LHX2: variants seen among roughly 807,000 people sequenced by gnomAD.
The protein encoded by LHX2 is LIM/homeobox protein Lhx2.
Under a neutral mutation model 33.0 loss-of-function variants are expected in LHX2, and 6 were observed. The observed-to-expected ratio is 0.18, with a 90% CI of 0.10 to 0.36. The LOEUF is 0.36. LHX2 is among the 10% of genes least tolerant of loss of function. The pLI is 1.00. For missense variants in LHX2, 442 were observed against 586.2 expected (o/e 0.75, Z 2.54); for synonymous variants, 292 against 253.1 (o/e 1.15, Z -1.46).
In LHX2 at chr9:124,012,079, G is replaced by A. The variant is rs1314558299; in HGVS notation, c.-270G>A. On this transcript the variant is annotated 5_prime_UTR_variant, in exon 1 of 5. Coordinates refer to ENST00000373615, the MANE Select transcript of LHX2 (RefSeq NM_004789.4). The surrounding 1 kb of genome is among the most constrained non-coding windows in gnomAD (Gnocchi z 4.3). The stretch of plus-strand genomic sequence containing the variant: ...CCTAGTCTCCTGCTCCCCCCGCCCC[G>A]CTTGTCCCGTGCCCTTGTGACCCTG... 3 of 169,234 alleles carry A rather than the reference G, an allele frequency of 1.8e-5. No homozygotes were observed. Among genetic ancestry groups the A allele is most frequent in the African/African-American group, 4.8e-5 (2 of 41,960 alleles). 10.5% of individuals were successfully genotyped at this position (169,234 alleles called of 1,614,324 possible).
Position 124,013,877 on chromosome 9 carries a change from G to T in LHX2, c.121-84G>T, listed in dbSNP as rs1859135617. ...TTCAGGGTAGCCAAGGCCACAGAGGGAGTTGTGGGTGCCGGTTTCCCGGCG... is the reference window on the plus strand; with the variant it reads ...TTCAGGGTAGCCAAGGCCACAGAGGTAGTTGTGGGTGCCGGTTTCCCGGCG... On this transcript the variant is annotated intron_variant, in intron 1 of 4. Coordinates refer to ENST00000373615, the MANE Select transcript of LHX2 (RefSeq NM_004789.4). 2.4e-6 allele frequency: 3 copies of T among 1,271,060 alleles called. No individual in the cohort carries two copies. The African/African-American group carries it at 4.4e-5, about 19-fold the overall frequency. The allele number at this position is 1,271,060 out of a possible 1,614,324, so 78.7% of individuals were successfully genotyped here. A position where few individuals can be genotyped will look rare whatever the true frequency, so the allele number is the denominator to read the frequency against.
rs1859191769 is a variant in LHX2, at chr9:124,016,412, GT to G, written c.727+890del. 6.6e-6 allele frequency among the ~76,000 whole-genome samples: 1 copy of G among 152,238 alleles called. No individual in the cohort carries two copies. The highest frequency in any genetic ancestry group is 2.4e-5 in the African/African-American group (1 of 41,468). On this transcript the variant is annotated intron_variant, in intron 3 of 4. Coordinates refer to ENST00000373615, the MANE Select transcript of LHX2 (RefSeq NM_004789.4). The surrounding 1 kb of genome is among the most constrained non-coding windows in gnomAD (Gnocchi z 4.4). The stretch of plus-strand genomic sequence containing the variant: ...CCCGAAGTCTGCAAGGCCCGGAAAG[GT>G]TTATGACTCTCCGGGCTTCCGAACT...
At position 124,032,861 on chromosome 9, in the gene LHX2, C is replaced by G. The variant is rs995207680; in HGVS notation, c.*154C>G. On this transcript the variant is annotated 3_prime_UTR_variant, in exon 5 of 5. Transcript: ENST00000373615. The surrounding 1 kb of genome is among the most constrained non-coding windows in gnomAD (Gnocchi z 4.1). Reference sequence around the variant, plus strand: ...GAGGTAAAAAAAAGAAGTGTGCGCCCGGCTAATGCAGCGGTGTGGACCGAG... The same window carrying G: ...GAGGTAAAAAAAAGAAGTGTGCGCCGGGCTAATGCAGCGGTGTGGACCGAG... 2 of 801,288 alleles carry G rather than the reference C, an allele frequency of 2.5e-6. No homozygotes were observed. Among genetic ancestry groups the G allele is most frequent in the Non-Finnish European group, 1.9e-6 (1 of 526,814 alleles). The allele number at this position is 801,288 out of a possible 1,614,324, so 49.6% of individuals were successfully genotyped here.
At position 124,015,575 on chromosome 9, in the gene LHX2, C is replaced by T. The variant is rs1387304084; in HGVS notation, c.727+50C>T. On this transcript the variant is annotated intron_variant, in intron 3 of 4. Transcript: ENST00000373615. The surrounding 1 kb of genome is among the most constrained non-coding windows in gnomAD (Gnocchi z 7.9). ...CCCCATAGGGTTGGGGGAAAGTGTG[C>T]GGCCTCGACGGCCGGGAGCTGGATT... The T allele has an allele frequency of 3.5e-6, 5 of 1,431,934 alleles. No homozygotes were observed. Among genetic ancestry groups the T allele is most frequent in the Non-Finnish European group, 3.7e-6 (4 of 1,085,808 alleles). 88.7% of individuals were successfully genotyped at this position (1,431,934 alleles called of 1,614,324 possible).
chr9:124,014,287 T>TCCCCC lies in LHX2; in HGVS notation c.323+128_323+132dup, dbSNP rs369078188. 3.5e-4 allele frequency: 203 copies of TCCCCC among 587,640 alleles called. 2 individuals carry two copies. In the African/African-American group the frequency reaches 3.7e-3, roughly 11 times the overall value. 36.4% of individuals were successfully genotyped at this position (587,640 alleles called of 1,614,324 possible). A position where few individuals can be genotyped will look rare whatever the true frequency, so the allele number is the denominator to read the frequency against. Reference sequence around the variant, plus strand: ...GGTTCACTACTCAGGACTCCCCCGCTCCCCCCCCAAGTTCTCCAAGCCACC... The same window carrying TCCCCC: ...GGTTCACTACTCAGGACTCCCCCGCTCCCCCCCCCCCCCAAGTTCTCCAAGCCACC... On this transcript the variant is annotated intron_variant, in intron 2 of 4. Transcript: ENST00000373615. The surrounding 1 kb of genome is among the most constrained non-coding windows in gnomAD (Gnocchi z 4.8).
At chr9:124,013,241 C>G (rs1238460793) in intron 1 of LHX2, among the ~76,000 whole-genome samples, 2 of 152,250 alleles carry the variant, frequency 1.3e-5, no homozygotes, top group African/African-American at 2.4e-5. Flanking sequence ...GCTCCGGGAG[C>G]AGGAGCAGCG....
chr9:124,017,887 A>T (rs1859219970), intron 3 of LHX2, among the ~76,000 whole-genome samples: 1 of 151,308 alleles, frequency 6.6e-6, no homozygotes, highest in Non-Finnish European at 1.5e-5. Context: ...ACCTCCCCCT[A>T]CCCCGGGAGG....
chr9:124,012,869 T>C lies in LHX2; in HGVS notation c.120+401T>C, dbSNP rs931082852. Among the ~76,000 whole-genome samples, 5 of 152,114 alleles carry C rather than the reference T, an allele frequency of 3.3e-5. No individual in the cohort carries two copies. The highest frequency in any genetic ancestry group is 4.8e-5 in the African/African-American group (2 of 41,424). ...GGAAGGGCGAACCAGCTGGGAGCAT[T>C]GGGGCTCCAGCCGGCTTGGGCCGCT... On this transcript the variant is annotated intron_variant, in intron 1 of 4. Coordinates refer to ENST00000373615, the MANE Select transcript of LHX2 (RefSeq NM_004789.4). The surrounding 1 kb of genome is among the most constrained non-coding windows in gnomAD (Gnocchi z 4.3).
chr9:124,021,020 C>A, intron 3 of LHX2, 79 bp from the exon 4 acceptor site: 2 of 1,273,186 alleles, frequency 1.6e-6, no homozygotes, highest in Non-Finnish European at 2.3e-6. Flanking sequence ...AAATGTTTGG[C>A]AGTGGGTGGG....
In LHX2 at chr9:124,015,002, G is replaced by C; in HGVS notation, c.324-120G>C. The C allele has an allele frequency of 8.7e-7, 1 of 1,147,792 alleles. No individual in the cohort carries two copies. The highest frequency in any genetic ancestry group is 1.2e-6 in the Non-Finnish European group (1 of 807,432). 71.1% of individuals were successfully genotyped at this position (1,147,792 alleles called of 1,614,324 possible). A position where few individuals can be genotyped will look rare whatever the true frequency, so the allele number is the denominator to read the frequency against. On this transcript the variant is annotated intron_variant, in intron 2 of 4. Transcript: ENST00000373615. This position sits in a 1 kb window ranked among gnomAD's most constrained non-coding sequence, Gnocchi z 7.9. ...CTCTCCCCCCCATCCTCCAAATAAA[G>C]GCCGGGTTGTTCGTCTTGAGGAGGG...
chr9:124,029,612 A>G (rs945494641), intron 4 of LHX2, among the ~76,000 whole-genome samples: 2 of 152,132 alleles, frequency 1.3e-5, no homozygotes, highest in African/African-American at 4.8e-5. Context: ...GAAATAGCAA[A>G]CAGCCGGCAA....
At chr9:124,013,203 A>T (rs1859123676) in intron 1 of LHX2, among the ~76,000 whole-genome samples, 1 of 152,208 alleles carries the variant, frequency 6.6e-6, no homozygotes, top group African/African-American at 2.4e-5. Context: ...GAGGCCGCGG[A>T]GGTGGGGAGC....
intron 4 of LHX2, among the ~76,000 whole-genome samples, chr9:124,030,266 G>A (rs569192787): frequency 6.6e-6 from 1 of 152,232 alleles, no homozygotes; most frequent in Admixed American, 6.5e-5. Flanking sequence ...GGTCCCAAGG[G>A]GTGCGTGGGG....
intron 4 of LHX2, among the ~76,000 whole-genome samples, chr9:124,029,734 C>G (rs1404573983): frequency 6.6e-6 from 1 of 152,250 alleles, no homozygotes; most frequent in Non-Finnish European, 1.5e-5. Context: ...CCAGCTACTG[C>G]TCTGAGAGTC....
intron 4 of LHX2, 95 bp downstream of exon 4, chr9:124,021,399 C>G (rs143907251): frequency 6.0e-6 from 6 of 1,004,992 alleles, no homozygotes; most frequent in South Asian, 1.5e-5. Context: ...GACCTTCCAC[C>G]CTGTGTCTGC....
In LHX2 at chr9:124,015,355, T is replaced by A; in HGVS notation, c.557T>A (p.Val186Glu). 6.2e-7 allele frequency: 1 copy of A among 1,610,802 alleles called. No individual in the cohort carries two copies. Among genetic ancestry groups the A allele is most frequent in the Non-Finnish European group, 8.5e-7 (1 of 1,178,384 alleles). Reference sequence around the variant, plus strand: ...CCCGCACACTTCAACCATGCCGACGTGGCAGCGGCGGCCGCTGCAGCCGCG... The same window carrying A: ...CCCGCACACTTCAACCATGCCGACGAGGCAGCGGCGGCCGCTGCAGCCGCG... Reference protein sequence around the residue: ...EYPAHFNHADVAAAAAAAAAA... With the variant: ...EYPAHFNHADEAAAAAAAAAA... Residue 186 changes from valine to glutamate, a missense_variant, in exon 3 of 5, where the codon GTG (valine) becomes GAG (glutamate). Physicochemically the swap from Val to Glu is moderately radical, Grantham distance 121 (BLOSUM62 -2). Coordinates refer to ENST00000373615, the MANE Select transcript of LHX2 (RefSeq NM_004789.4). The surrounding 1 kb of genome is among the most constrained non-coding windows in gnomAD (Gnocchi z 7.9).
At chr9:124,019,617 GT>G (rs1442222010) in intron 3 of LHX2, among the ~76,000 whole-genome samples, 2 of 152,080 alleles carry the variant, frequency 1.3e-5, no homozygotes, top group Non-Finnish European at 2.9e-5. Context: ...TTTAGTATAG[GT>G]ATGTCCCATG....
intron 3 of LHX2, among the ~76,000 whole-genome samples, chr9:124,019,478 A>G (rs1233198425): frequency 6.6e-6 from 1 of 152,238 alleles, no homozygotes; most frequent in Non-Finnish European, 1.5e-5. Context: ...TTTTGGAAAA[A>G]TAACGAATAA....
In LHX2 at chr9:124,012,961, G is replaced by A. The variant is rs551057142; in HGVS notation, c.120+493G>A. On this transcript the variant is annotated intron_variant, in intron 1 of 4. Transcript: ENST00000373615. The surrounding 1 kb of genome is among the most constrained non-coding windows in gnomAD (Gnocchi z 4.3). ...GCAGTTTCAGAGGCCGAAGTCTTCG[G>A]GGCCAACATTTGTCGTTGATCGCGT... 1.3e-5 allele frequency among the ~76,000 whole-genome samples: 2 copies of A among 152,342 alleles called. No homozygotes were observed. The highest frequency in any genetic ancestry group is 4.1e-4 in the South Asian group (2 of 4,828).
Sources: gnomAD v4.1 joint callset for allele counts (sites outside exome capture counted in the v4.1 genomes callset) on GRCh38, gnomAD v4.1.1 for gene constraint, Gnocchi (gnomAD v3.1) non-coding constraint, MANE v1.5 for transcripts, NCBI Gene and HGNC (gene_info 2026-07-23, HGNC 2026-07-21) for gene names.